The following PHACTR1 variants were observed in gnomAD, a reference collection of about 807,000 sequenced individuals.
The protein encoded by PHACTR1 is RPEL repeat containing 1.
In PHACTR1, 16 loss-of-function variants were observed where a neutral mutation model predicts 69.2. The ratio of observed to expected loss-of-function variants is 0.23; its 90% confidence interval spans 0.16 to 0.35. The LOEUF (loss-of-function observed/expected upper bound fraction) is 0.35, where lower values mean the gene tolerates loss of function less well. Among genes scored for constraint, PHACTR1 ranks in the 10% least tolerant of loss-of-function variants. The pLI is 1.00. For missense variants in PHACTR1, 510 were observed against 734.7 expected (o/e 0.69, Z 3.54); for synonymous variants, 312 against 284.5 (o/e 1.10, Z -0.97).
At chr6:12,799,578 A>G (rs1049834511) in intron 4 of PHACTR1, among the ~76,000 whole-genome samples, 2 of 152,214 alleles carry the variant, frequency 1.3e-5, no homozygotes, top group Non-Finnish European at 2.9e-5. Flanking sequence ...TTTGGGTTGG[A>G]CAAGAGACCA....
intron 2 of PHACTR1, among the ~76,000 whole-genome samples, chr6:12,718,074 C>T (rs1013255013): frequency 5.3e-5 from 8 of 152,190 alleles, no homozygotes; most frequent in Non-Finnish European, 2.9e-5. Context: ...TGCAATCATT[C>T]TTGCTGCTCT....
chr6:12,736,682 T>C (rs957197466), intron 3 of PHACTR1, among the ~76,000 whole-genome samples: 14 of 152,156 alleles, frequency 9.2e-5, no homozygotes, highest in Admixed American at 5.2e-4. Flanking sequence ...AGAATAAACA[T>C]GTTTTTTTAC....
chr6:12,865,502 C>T (rs1781369928), intron 4 of PHACTR1, among the ~76,000 whole-genome samples: 1 of 151,280 alleles, frequency 6.6e-6, no homozygotes, highest in Non-Finnish European at 1.5e-5. Flanking sequence ...GTAGACAATC[C>T]TTCATCCCCA....
chr6:13,184,034 G>A lies in PHACTR1; in HGVS notation c.664+1348G>A, dbSNP rs56087919. ...AAACTATAGTTGTGGTGAGCAAGAAGAGAGAGGAAAGGGGAAGATGAAAAG... is the reference window on the plus strand; with the variant it reads ...AAACTATAGTTGTGGTGAGCAAGAAAAGAGAGGAAAGGGGAAGATGAAAAG... On this transcript the variant is annotated intron_variant, in intron 7 of 14. Transcript: ENST00000332995. Among the ~76,000 whole-genome samples, 174 of 152,346 alleles carry A rather than the reference G, an allele frequency of 1.1e-3. 2 individuals carry two copies. The highest frequency in any genetic ancestry group is 3.6e-3 in the African/African-American group (148 of 41,584).
At chr6:13,284,543 A>AAAAAAATATATAT (rs1554187813) in intron 13 of PHACTR1, among the ~76,000 whole-genome samples, 1 of 61,364 alleles carries the variant, frequency 1.6e-5, no homozygotes, top group African/African-American at 1.1e-4. Flanking sequence ...AAAAAAAAAA[A>AAAAAAATATATAT]ATATATATAT....
chr6:12,933,552 C>A, intron 4 of PHACTR1: 1 of 1,573,242 alleles, frequency 6.4e-7, no homozygotes, highest in Non-Finnish European at 8.6e-7. Context: ...ATGGATCTCG[C>A]CAGGGTGATT....
chr6:13,208,773 G>C (rs915037222), intron 8 of PHACTR1, among the ~76,000 whole-genome samples: 10 of 152,008 alleles, frequency 6.6e-5, no homozygotes, highest in Non-Finnish European at 1.5e-4. Context: ...CATATTAAAA[G>C]GTTCAATTAA....
At chr6:12,983,214 C>G (rs544382257) in intron 4 of PHACTR1, among the ~76,000 whole-genome samples, 32 of 152,256 alleles carry the variant, frequency 2.1e-4, no homozygotes, top group African/African-American at 7.7e-4. Context: ...TTTCTATTCT[C>G]AAAAAGATTA....
intron 7 of PHACTR1, among the ~76,000 whole-genome samples, chr6:13,199,474 T>C (rs543034527): frequency 1.3e-5 from 2 of 151,490 alleles, no homozygotes; most frequent in East Asian, 3.9e-4. Flanking sequence ...ATTCCCTTTG[T>C]CATCCTCACT....
chr6:12,985,204 A>G (rs1795993923), intron 4 of PHACTR1, among the ~76,000 whole-genome samples: 1 of 152,178 alleles, frequency 6.6e-6, no homozygotes, highest in Non-Finnish European at 1.5e-5. Context: ...TCTATTTCAC[A>G]CCTCATCTCC....
chr6:13,139,916 C>T (rs1041136444), intron 5 of PHACTR1, among the ~76,000 whole-genome samples: 1 of 152,096 alleles, frequency 6.6e-6, no homozygotes, highest in African/African-American at 2.4e-5. Context: ...GCAGAGAATT[C>T]AAAAGTCTTA....
intron 3 of PHACTR1, chr6:12,749,364 G>A: frequency 1.9e-6 from 1 of 513,460 alleles, no homozygotes; most frequent in East Asian, 4.5e-5. Flanking sequence ...GGAGTCTGGG[G>A]GAGCCCCGGG....
At chr6:12,985,542 AT>A (rs377257605) in intron 4 of PHACTR1, among the ~76,000 whole-genome samples, 2,287 of 104,248 alleles carry the variant, frequency 0.022, 16 homozygotes, top group Admixed American at 0.027. Flanking sequence ...AAAAAAAAAA[AT>A]ATATATATAT....
intron 8 of PHACTR1, among the ~76,000 whole-genome samples, chr6:13,209,871 T>C (rs1185648711): frequency 6.6e-6 from 1 of 152,262 alleles, no homozygotes; most frequent in African/African-American, 2.4e-5. Flanking sequence ...TCCTTTCCTG[T>C]AAAAGGCTTT....
At position 12,937,278 on chromosome 6, in the gene PHACTR1, C is replaced by T. The variant is rs148424818; in HGVS notation, c.251-116087C>T. Among the ~76,000 whole-genome samples, 13 of 152,254 alleles carry T rather than the reference C, an allele frequency of 8.5e-5. No individual in the cohort carries two copies. In the East Asian group the frequency reaches 2.1e-3, roughly 25 times the overall value. ...AATAAAAATGGCCACAACCACACTG[C>T]CACCATCTCAAAGGAAGGCCCTTGA... On this transcript the variant is annotated intron_variant, in intron 4 of 14. Transcript: ENST00000332995.
In PHACTR1 at chr6:13,287,409, A is replaced by C; in HGVS notation, c.*331A>C. Reference sequence around the variant, plus strand: ...TCTCCAGCCAGGCCCAGCAGGCACTACCTTCATGAAGTCTCCAGCAAACCT... The same window carrying C: ...TCTCCAGCCAGGCCCAGCAGGCACTCCCTTCATGAAGTCTCCAGCAAACCT... On this transcript the variant is annotated 3_prime_UTR_variant, in exon 15 of 15. Transcript: ENST00000332995. 1 of 342,678 alleles carries C rather than the reference A, an allele frequency of 2.9e-6. No individual in the cohort carries two copies. The highest frequency in any genetic ancestry group is 5.4e-6 in the Non-Finnish European group (1 of 186,606). 21.2% of individuals were successfully genotyped at this position (342,678 alleles called of 1,614,324 possible).
At chr6:13,034,427 G>A (rs368875896) in intron 4 of PHACTR1, among the ~76,000 whole-genome samples, 28 of 152,302 alleles carry the variant, frequency 1.8e-4, no homozygotes, top group African/African-American at 6.7e-4. Flanking sequence ...TTTTGTTAAA[G>A]TACTTAATAT....
chr6:12,948,792 C>A (rs1192807387), intron 4 of PHACTR1, among the ~76,000 whole-genome samples: 1 of 152,184 alleles, frequency 6.6e-6, no homozygotes, highest in Non-Finnish European at 1.5e-5. Context: ...CTCAAAGTTG[C>A]TCTCACATTC....
chr6:13,059,283 G>A (rs1266893779), intron 5 of PHACTR1, among the ~76,000 whole-genome samples: 1 of 152,048 alleles, frequency 6.6e-6, no homozygotes, highest in Non-Finnish European at 1.5e-5. Flanking sequence ...CAAGTAGAAG[G>A]GTGGTTGCCA....
Sources: gnomAD v4.1 joint callset for allele counts (sites outside exome capture counted in the v4.1 genomes callset) on GRCh38, gnomAD v4.1.1 for gene constraint, MANE v1.5 for transcripts, NCBI Gene and HGNC (gene_info 2026-07-23, HGNC 2026-07-21) for gene names.